The following BRWD3 variants were observed in gnomAD, a reference collection of about 807,000 sequenced individuals.
The protein encoded by BRWD3 is bromodomain and WD repeat domain containing 3, also known as bromodomain and WD repeat-containing protein 3.
In BRWD3, 10 loss-of-function variants were observed where a neutral mutation model predicts 149.7. The ratio of observed to expected loss-of-function variants is 0.07; its 90% confidence interval spans 0.04 to 0.11. BRWD3 has a LOEUF of 0.11. BRWD3 is among the 10% of genes least tolerant of loss of function. The pLI, the probability that BRWD3 is intolerant of heterozygous loss-of-function variation, is 1.00. For synonymous variants in BRWD3, 504 were observed against 456.7 expected, an observed-to-expected ratio of 1.10 and a Z score of -1.32; for missense variants, 940 against 1,373.2, an observed-to-expected ratio of 0.68 and a Z score of 4.99.
Position 80,673,559 on chromosome X carries a change from T to C in BRWD3, c.*3050A>G, listed in dbSNP as rs1351025036. 9.0e-6 allele frequency: 1 copy of C among 111,575 alleles called. No homozygotes were observed. The highest frequency in any genetic ancestry group is 1.9e-5 in the Non-Finnish European group (1 of 52,982). The allele number at this position is 111,575 out of a possible 1,213,427, so 9.2% of individuals were successfully genotyped here. A position where few individuals can be genotyped will look rare whatever the true frequency, so the allele number is the denominator to read the frequency against. On this transcript the variant is annotated 3_prime_UTR_variant, in exon 41 of 41. Coordinates refer to ENST00000373275, the MANE Select transcript of BRWD3 (RefSeq NM_153252.5). ...TACAAAAATTTAGTAAGTAGGCTAGTAGGCTAGTGAATGTTTTAGAGAGCA... is the reference window on the plus strand; with the variant it reads ...TACAAAAATTTAGTAAGTAGGCTAGCAGGCTAGTGAATGTTTTAGAGAGCA...
chrX:80,749,450 T>C (rs1306112733), intron 6 of BRWD3, among the ~76,000 whole-genome samples: 1 of 111,675 alleles, frequency 9.0e-6, no homozygotes, highest in African/African-American at 3.3e-5. Context: ...ATATGACGTT[T>C]TTTGTCACTA....
chrX:80,742,591 T>C (rs2073530422), intron 8 of BRWD3, among the ~76,000 whole-genome samples: 1 of 110,156 alleles, frequency 9.1e-6, no homozygotes, highest in East Asian at 2.8e-4. Context: ...GGTTTGCAGT[T>C]CTCCTTGAAG....
At position 80,692,160 on chromosome X, in the gene BRWD3, A is replaced by T. The variant is rs2072621423; in HGVS notation, c.3264-10T>A. 3 of 1,189,855 alleles carry T rather than the reference A, an allele frequency of 2.5e-6. No individual in the cohort carries two copies. Among genetic ancestry groups the T allele is most frequent in the African/African-American group, 1.8e-5 (1 of 56,773 alleles). ...CTCATTATTGTCCCAGCTATTAAAA[A>T]ATAAGAAGATGCAAATCAAATTAAT... On this transcript the variant is annotated splice_polypyrimidine_tract_variant and intron_variant, in intron 28 of 40. Transcript: ENST00000373275.
At chrX:80,718,973 T>G (rs1182336715) in intron 18 of BRWD3, among the ~76,000 whole-genome samples, 1 of 111,197 alleles carries the variant, frequency 9.0e-6, no homozygotes, top group Non-Finnish European at 1.9e-5. Flanking sequence ...ATACAATAAC[T>G]TCTACTGGTA....
At chrX:80,738,687 TC>T (rs1235969117) in intron 8 of BRWD3, among the ~76,000 whole-genome samples, 1 of 111,350 alleles carries the variant, frequency 9.0e-6, no homozygotes, top group Non-Finnish European at 1.9e-5. Flanking sequence ...AGAGAAGGTC[TC>T]CCTGAGAGGG....
rs2072761604 is a variant in BRWD3 at position 80,700,234 on chromosome X, C to T, written c.2836-170G>A. Among the ~76,000 whole-genome samples, 3 of 107,221 alleles carry T rather than the reference C, an allele frequency of 2.8e-5. No homozygotes were observed. In the Admixed American group the frequency reaches 3.1e-4, roughly 11 times the overall value. The allele number at this position is 107,221 out of a possible 115,157, so 93.1% of individuals were successfully genotyped here. On this transcript the variant is annotated intron_variant, in intron 24 of 40. Coordinates refer to ENST00000373275, the MANE Select transcript of BRWD3 (RefSeq NM_153252.5). Reference sequence around the variant, plus strand: ...GATGTTAATTCAGTATTCATGCCTACGTAGCCCTGTGCTCAGTACCACATC... The same window carrying T: ...GATGTTAATTCAGTATTCATGCCTATGTAGCCCTGTGCTCAGTACCACATC...
intron 6 of BRWD3, among the ~76,000 whole-genome samples, chrX:80,758,944 TC>T (rs1019433745): frequency 9.0e-6 from 1 of 111,729 alleles, no homozygotes; most frequent in African/African-American, 3.3e-5. Context: ...TTTCCTAATA[TC>T]CCCTCAAGAA....
chrX:80,761,338 A>G (rs1459816008), intron 6 of BRWD3, among the ~76,000 whole-genome samples: 2 of 112,000 alleles, frequency 1.8e-5, no homozygotes, highest in Non-Finnish European at 3.8e-5. Flanking sequence ...AATACCTCAA[A>G]GCACATTACC....
chrX:80,754,564 C>T (rs2073713640), intron 6 of BRWD3, among the ~76,000 whole-genome samples: 1 of 112,044 alleles, frequency 8.9e-6, no homozygotes, highest in Non-Finnish European at 1.9e-5. Context: ...TGAAAGCAGG[C>T]ACTCTCTTGT....
rs146155363 is a variant in BRWD3, at chrX:80,746,581, C to T, written c.431-852G>A. Among the ~76,000 whole-genome samples the T allele has an allele frequency of 6.9e-4, 77 of 111,617 alleles. No individual in the cohort carries two copies. The East Asian group carries it at 0.021, about 30-fold the overall frequency. On this transcript the variant is annotated intron_variant, in intron 6 of 40. Coordinates refer to ENST00000373275, the MANE Select transcript of BRWD3 (RefSeq NM_153252.5). Reference sequence around the variant, plus strand: ...GTGAAATCCTTCATCTTCCCTTATACACTAAAAGTGCTTAACACCCCACAC... The same window carrying T: ...GTGAAATCCTTCATCTTCCCTTATATACTAAAAGTGCTTAACACCCCACAC...
intron 34 of BRWD3, among the ~76,000 whole-genome samples, chrX:80,687,298 T>A (rs771857019): frequency 1.8e-5 from 2 of 111,273 alleles, no homozygotes; most frequent in South Asian, 7.6e-4. Context: ...CTCTACAACA[T>A]CAAGTTATAG....
intron 31 of BRWD3, 99 bp from the exon 32 acceptor site, chrX:80,690,191 G>C: frequency 2.2e-6 from 2 of 896,347 alleles, no homozygotes; most frequent in Non-Finnish European, 3.2e-6. Flanking sequence ...AACACAGTGT[G>C]TCAAAGGTGT....
chrX:80,804,736 A>G (rs183981741), intron 4 of BRWD3, among the ~76,000 whole-genome samples: 35 of 111,910 alleles, frequency 3.1e-4, no homozygotes, highest in African/African-American at 1.1e-3. Flanking sequence ...TTAGCCAACA[A>G]CTCAATAGGG....
chrX:80,731,652 T>C (rs1237845234), intron 12 of BRWD3, among the ~76,000 whole-genome samples: 8 of 110,670 alleles, frequency 7.2e-5, no homozygotes, highest in Non-Finnish European at 1.5e-4. Flanking sequence ...CCTAGCACTT[T>C]GGGAGGCCGA....
intron 4 of BRWD3, among the ~76,000 whole-genome samples, chrX:80,803,461 T>C (rs1202055835): frequency 9.0e-6 from 1 of 111,504 alleles, no homozygotes; most frequent in Non-Finnish European, 1.9e-5. Context: ...TCATTGAAAG[T>C]ACGTTCCTTA....
Position 80,677,020 on chromosome X carries a change from C to G in BRWD3, c.4998G>C (p.Lys1666Asn). Residue 1666 changes from lysine to asparagine, a missense_variant, in exon 41 of 41, where the codon AAG becomes AAC. By Grantham distance (94) the Lys-to-Asn change is moderately conservative. Coordinates refer to ENST00000373275, the MANE Select transcript of BRWD3 (RefSeq NM_153252.5). Reference protein sequence around the residue: ...KQHGNGKRNWKTRGTGGRGRW... With the variant: ...KQHGNGKRNWNTRGTGGRGRW... ...TGCCTCTTCCTCCTGTGCCTCTGGTCTTCCAATTTCTTTTTCCATTGCCAT... is the reference window on the plus strand; with the variant it reads ...TGCCTCTTCCTCCTGTGCCTCTGGTGTTCCAATTTCTTTTTCCATTGCCAT... 8.3e-7 allele frequency: 1 copy of G among 1,211,071 alleles called. No homozygotes were observed. Among genetic ancestry groups the G allele is most frequent in the South Asian group, 1.8e-5 (1 of 56,983 alleles).
chrX:80,768,485 T>G (rs767547135), intron 6 of BRWD3, among the ~76,000 whole-genome samples: 1 of 111,357 alleles, frequency 9.0e-6, no homozygotes, highest in Non-Finnish European at 1.9e-5. Context: ...AAACTAAGCT[T>G]CATAAGTGAA....
At chrX:80,808,630 G>C (rs775568178) in intron 3 of BRWD3, 32 bp from the exon 4 acceptor site, 2 of 1,178,015 alleles carry the variant, frequency 1.7e-6, no homozygotes, top group Non-Finnish European at 2.3e-6. Flanking sequence ...AGGGGGAAGC[G>C]GAGGCAAATG....
chrX:80,679,995 C>T (rs2072422327), intron 40 of BRWD3, among the ~76,000 whole-genome samples: 1 of 111,892 alleles, frequency 8.9e-6, no homozygotes, highest in African/African-American at 3.2e-5. Context: ...TAATTATTTT[C>T]AAGTAATCAA....
Sources: gnomAD v4.1 joint callset for allele counts (sites outside exome capture counted in the v4.1 genomes callset) on GRCh38, gnomAD v4.1.1 for gene constraint, MANE v1.5 for transcripts, NCBI Gene and HGNC (gene_info 2026-07-23, HGNC 2026-07-21) for gene names.